The following NBPF3 variants were observed in gnomAD, a reference collection of about 807,000 sequenced individuals.
NBPF3 encodes NBPF member 3.
A neutral mutation model predicts 78.1 loss-of-function variants in NBPF3; 57 were observed. That is an observed-to-expected ratio of 0.73 (90% confidence interval 0.59 to 0.91). NBPF3 has a LOEUF of 0.91. Ranked by LOEUF, NBPF3 falls within the 40% of genes least tolerant of loss-of-function variation. The probability of loss-of-function intolerance (pLI) is 0.00; values close to 1 mark genes in which losing one functional copy is unlikely to be tolerated. For synonymous variants in NBPF3, 182 were observed against 271.7 expected, an observed-to-expected ratio of 0.67 and a Z score of 3.25; for missense variants, 510 against 715.3, an observed-to-expected ratio of 0.71 and a Z score of 3.27.
At chr1:21,440,376 G>A (rs1020586984) in intron 1 of NBPF3, 28 bp downstream of exon 1, 3 of 151,964 alleles carry the variant, frequency 2.0e-5, no homozygotes, top group African/African-American at 7.2e-5. Flanking sequence ...GGCTGGACGG[G>A]CGGTGAATCC....
intron 2 of NBPF3, among the ~76,000 whole-genome samples, chr1:21,452,648 T>C (rs1316063000): frequency 6.6e-6 from 1 of 152,220 alleles, no homozygotes; most frequent in Non-Finnish European, 1.5e-5. Context: ...AAGAAGCGTC[T>C]TGCAGAAGCA....
chr1:21,448,759 T>G (rs1050315174), intron 2 of NBPF3, among the ~76,000 whole-genome samples: 1 of 152,206 alleles, frequency 6.6e-6, no homozygotes, highest in Non-Finnish European at 1.5e-5. Flanking sequence ...CTGTCCCCAG[T>G]AGCTTCTCTT....
Position 21,472,933 on chromosome 1 carries a change from G to A in NBPF3, c.734+18G>A. ...GCCCCCAGGTAACGCTGAATAATCG[G>A]GAGCAAGTAATGGGTGGTAACATAT... On this transcript the variant is annotated intron_variant, in intron 6 of 14. Transcript: ENST00000318249. 1 of 1,586,050 alleles carries A rather than the reference G, an allele frequency of 6.3e-7. No homozygotes were observed. Among genetic ancestry groups the A allele is most frequent in the South Asian group, 1.1e-5 (1 of 90,498 alleles).
intron 2 of NBPF3, among the ~76,000 whole-genome samples, chr1:21,462,714 C>T (rs1642020101): frequency 6.6e-6 from 1 of 152,148 alleles, no homozygotes; most frequent in African/African-American, 2.4e-5. Context: ...ATATGTGAAT[C>T]AGTTTGATCT....
chr1:21,469,305 T>C (rs902649344), intron 3 of NBPF3, among the ~76,000 whole-genome samples: 1 of 152,196 alleles, frequency 6.6e-6, no homozygotes, highest in Non-Finnish European at 1.5e-5. Flanking sequence ...TGAGGCCCAA[T>C]AGGCAAAGCT....
Position 21,468,719 on chromosome 1 carries a change from C to T in NBPF3, c.165C>T (p.Val55=). The T allele has an allele frequency of 6.2e-7, 1 of 1,613,384 alleles. No homozygotes were observed. The highest frequency in any genetic ancestry group is 1.1e-5 in the South Asian group (1 of 91,060). Residue 55 remains valine, a synonymous_variant, in exon 3 of 15, where the codon GTC becomes GTT. Coordinates refer to ENST00000318249, the MANE Select transcript of NBPF3 (RefSeq NM_032264.6). ...GCCCCACCTCTTCTGCCACAAACGT[C>T]AGCATGGTGGTATCTGCCGGCCCTT... ...VPGPTSSATN[V]SMVVSAGPWS... is the part of the protein sequence containing the mutation.
chr1:21,438,710 G>A (rs566317178), upstream of NBPF3, among the ~76,000 whole-genome samples: 2 of 152,210 alleles, frequency 1.3e-5, no homozygotes, highest in East Asian at 1.9e-4. Context: ...TTTAGAGGTA[G>A]GAGAATGAAA....
upstream of NBPF3, chr1:21,437,478 A>G: frequency 6.8e-7 from 1 of 1,459,880 alleles, no homozygotes; most frequent in South Asian, 1.2e-5. Flanking sequence ...CAGGTCCACG[A>G]GGACGCCCAG....
chr1:21,438,391 G>T (rs1378497666), upstream of NBPF3, among the ~76,000 whole-genome samples: 1 of 152,194 alleles, frequency 6.6e-6, no homozygotes, highest in Non-Finnish European at 1.5e-5. Context: ...TGGGATTACA[G>T]GTTGAGCCAC....
At chr1:21,468,462 C>T in intron 2 of NBPF3, 1 of 1,420,482 alleles carries the variant, frequency 7.0e-7, no homozygotes, top group Non-Finnish European at 9.2e-7. Context: ...GCACACTGGC[C>T]TCACTCTTGT....
intron 3 of NBPF3, among the ~76,000 whole-genome samples, chr1:21,469,101 G>C (rs1402946694): frequency 6.6e-6 from 1 of 152,174 alleles, no homozygotes; most frequent in African/African-American, 2.4e-5. Context: ...CAGTCAGGTG[G>C]GGGTGGGCCT....
At chr1:21,473,091 T>G (rs1352411411) in intron 6 of NBPF3, among the ~76,000 whole-genome samples, 176 bp downstream of exon 6, 1 of 152,126 alleles carries the variant, frequency 6.6e-6, no homozygotes, top group East Asian at 1.9e-4. Flanking sequence ...TCTCTGTGTG[T>G]GGTGGGTGTC....
At chr1:21,437,947 G>A (rs1011488151), upstream of NBPF3, among the ~76,000 whole-genome samples, 2 of 151,756 alleles carry the variant, frequency 1.3e-5, no homozygotes, top group African/African-American at 4.8e-5. Context: ...CTTAGCCTCC[G>A]AGTAGCTGGG....
intron 1 of NBPF3, among the ~76,000 whole-genome samples, chr1:21,444,235 A>G (rs568522479): frequency 6.6e-6 from 1 of 152,368 alleles, no homozygotes; most frequent in Non-Finnish European, 1.5e-5. Flanking sequence ...AAATAGCTGT[A>G]TAGAGTAGAG....
chr1:21,469,024 G>T (rs1249632227), intron 3 of NBPF3, 127 bp downstream of exon 3: 2 of 779,180 alleles, frequency 2.6e-6, no homozygotes, highest in East Asian at 5.2e-5. Flanking sequence ...ATAGAAATGG[G>T]CATTTTCACA....
Position 21,479,384 on chromosome 1 carries a change from G to A in NBPF3, c.1192G>A (p.Glu398Lys), listed in dbSNP as rs1558507425. ...WCDQVKKEDQ[E>K]ATSPRLSREL... ...TGATCAAGTGAAAAAGGAGGACCAAGAGGCCACAAGTCCCAGGTGAGTCTG... is the reference window on the plus strand; with the variant it reads ...TGATCAAGTGAAAAAGGAGGACCAAAAGGCCACAAGTCCCAGGTGAGTCTG... Residue 398 changes from glutamate (E) to lysine (K), a missense_variant, in exon 10 of 15, where the codon GAG becomes AAG. This residue lies in a region of NBPF3 where 440 missense variants were observed against 478.2 expected (regional missense o/e 0.92). Transcript: ENST00000318249. The A allele has an allele frequency of 1.9e-6, 3 of 1,611,152 alleles. No homozygotes were observed. The highest frequency in any genetic ancestry group is 2.5e-6 in the Non-Finnish European group (3 of 1,178,500).
At chr1:21,443,346 G>T (rs948632881) in intron 1 of NBPF3, among the ~76,000 whole-genome samples, 1 of 152,194 alleles carries the variant, frequency 6.6e-6, no homozygotes, top group African/African-American at 2.4e-5. Flanking sequence ...CAGAATGATT[G>T]CTAGAGGTTC....
At chr1:21,457,446 A>G (rs1641691873) in intron 2 of NBPF3, among the ~76,000 whole-genome samples, 1 of 151,628 alleles carries the variant, frequency 6.6e-6, no homozygotes, top group Admixed American at 6.6e-5. Context: ...GTCTAATAAG[A>G]AACAACACAA....
intron 2 of NBPF3, among the ~76,000 whole-genome samples, chr1:21,447,926 G>A (rs1012091348): frequency 9.9e-5 from 15 of 152,108 alleles, no homozygotes; most frequent in African/African-American, 3.6e-4. Flanking sequence ...TTTTTCATAT[G>A]CATATTTGCC....
Sources: gnomAD v4.1 joint callset for allele counts (sites outside exome capture counted in the v4.1 genomes callset) on GRCh38, gnomAD v4.1.1 for gene constraint, gnomAD v4.1.1 regional missense constraint, MANE v1.5 for transcripts, NCBI Gene and HGNC (gene_info 2026-07-23, HGNC 2026-07-21) for gene names.